Variants in SGCZ observed in about 807,000 individuals in gnomAD.
The protein encoded by SGCZ is zeta-sarcoglycan.
SGCZ carries 40 observed loss-of-function variants against 41.3 expected under a neutral mutation model. The observed-to-expected ratio is 0.97, with a 90% confidence interval of 0.75 to 1.26. The LOEUF (loss-of-function observed/expected upper bound fraction) is 1.26. Ranked by LOEUF, SGCZ falls within the 50% of genes most tolerant of loss-of-function variation. SGCZ has a pLI of 0.00. For missense variants in SGCZ, 552 were observed against 369.8 expected (o/e 1.49, Z -4.04); for synonymous variants, 206 against 137.5 (o/e 1.50, Z -3.49).
At chr8:14,847,516 A>AG (rs1181562982) in intron 1 of SGCZ, among the ~76,000 whole-genome samples, 1 of 151,830 alleles carries the variant, frequency 6.6e-6, no homozygotes, top group Non-Finnish European at 1.5e-5. Flanking sequence ...AGTAAAAAAA[A>AG]AGGAAATACA....
chr8:15,232,994 T>G (rs187914110), intron 1 of SGCZ, among the ~76,000 whole-genome samples: 1 of 151,690 alleles, frequency 6.6e-6, no homozygotes, highest in African/African-American at 2.4e-5. Context: ...GATATTAATT[T>G]TTCAAATTAA....
chr8:14,779,622 T>C (rs1489695490), intron 1 of SGCZ, among the ~76,000 whole-genome samples: 2 of 152,172 alleles, frequency 1.3e-5, no homozygotes, highest in Non-Finnish European at 2.9e-5. Context: ...GTATATAATA[T>C]AAAATTCAAA....
intron 1 of SGCZ, among the ~76,000 whole-genome samples, chr8:14,641,409 G>A (rs1807021893): frequency 6.6e-6 from 1 of 151,612 alleles, no homozygotes; most frequent in Non-Finnish European, 1.5e-5. Context: ...CGTAACATTT[G>A]AAATACCAGG....
At chr8:14,196,479 G>T (rs1030756282) in intron 4 of SGCZ, among the ~76,000 whole-genome samples, 4 of 152,018 alleles carry the variant, frequency 2.6e-5, no homozygotes, top group African/African-American at 9.6e-5. Context: ...AAAAGAAATT[G>T]GTTATGTTTT....
At chr8:14,438,223 G>C (rs1044399045) in intron 2 of SGCZ, among the ~76,000 whole-genome samples, 3 of 151,868 alleles carry the variant, frequency 2.0e-5, no homozygotes, top group African/African-American at 4.8e-5. Flanking sequence ...CTAAGAATCA[G>C]TTCTAGATGA....
intron 3 of SGCZ, among the ~76,000 whole-genome samples, chr8:14,317,467 A>T (rs1469341490): frequency 6.6e-6 from 1 of 151,968 alleles, no homozygotes; most frequent in Non-Finnish European, 1.5e-5. Flanking sequence ...GAAATAATAA[A>T]ATTTCAAGAA....
In SGCZ at chr8:14,089,121, T is replaced by C. The variant is rs1442366966; in HGVS notation, c.*1322A>G. On this transcript the variant is annotated 3_prime_UTR_variant, in exon 8 of 8. Coordinates refer to ENST00000382080, the MANE Select transcript of SGCZ (RefSeq NM_139167.4). Reference sequence around the variant, plus strand: ...TGTGATAAATGAATATTCAGTATTCTGGAGTTGTTTACTAAGAGGTCATAT... The same window carrying C: ...TGTGATAAATGAATATTCAGTATTCCGGAGTTGTTTACTAAGAGGTCATAT... Among the ~76,000 whole-genome samples, 1 of 152,008 alleles carries C rather than the reference T, an allele frequency of 6.6e-6. No homozygotes were observed. Among genetic ancestry groups the C allele is most frequent in the Non-Finnish European group, 1.5e-5 (1 of 67,944 alleles).
At chr8:14,737,049 C>T in intron 1 of SGCZ, among the ~76,000 whole-genome samples, 1 of 148,892 alleles carries the variant, frequency 6.7e-6, no homozygotes, top group Non-Finnish European at 1.5e-5. Flanking sequence ...AGACATATAG[C>T]TATATATCTA....
intron 1 of SGCZ, among the ~76,000 whole-genome samples, chr8:14,935,349 T>C (rs1198150191): frequency 3.3e-5 from 5 of 151,782 alleles, no homozygotes; most frequent in African/African-American, 9.7e-5. Context: ...CTTTCTTTTA[T>C]GGTAAGTCTT....
chr8:14,972,088 G>T (rs1240918127), intron 1 of SGCZ, among the ~76,000 whole-genome samples: 1 of 151,980 alleles, frequency 6.6e-6, no homozygotes, highest in Non-Finnish European at 1.5e-5. Context: ...TTTTCTGGAG[G>T]ATGTTATGTA....
chr8:14,531,178 G>A (rs927358980), intron 2 of SGCZ, among the ~76,000 whole-genome samples: 3 of 151,748 alleles, frequency 2.0e-5, no homozygotes, highest in Admixed American at 2.0e-4. Flanking sequence ...CTTTCTAAAT[G>A]TTGCTTTTTC....
intron 3 of SGCZ, among the ~76,000 whole-genome samples, chr8:14,315,207 A>G (rs1182183601): frequency 6.6e-6 from 1 of 152,174 alleles, no homozygotes. Context: ...AAATGGGAAT[A>G]AAATGACCTA....
intron 1 of SGCZ, among the ~76,000 whole-genome samples, chr8:15,039,104 A>G (rs1341830138): frequency 1.3e-5 from 2 of 152,148 alleles, no homozygotes; most frequent in African/African-American, 2.4e-5. Flanking sequence ...GAACTGCCAT[A>G]TGATCCAGCA....
At chr8:14,246,274 T>G (rs932235535) in intron 3 of SGCZ, among the ~76,000 whole-genome samples, 3 of 152,128 alleles carry the variant, frequency 2.0e-5, no homozygotes, top group East Asian at 1.9e-4. Context: ...GCCATAAAAA[T>G]GATGAGTTCA....
intron 5 of SGCZ, among the ~76,000 whole-genome samples, chr8:14,112,837 C>G (rs1802415253): frequency 6.6e-6 from 1 of 151,838 alleles, no homozygotes; most frequent in African/African-American, 2.4e-5. Flanking sequence ...CTTCTCATTC[C>G]TCCTTAAATA....
Position 14,803,628 on chromosome 8 carries a change from G to A in SGCZ, c.40-248702C>T, listed in dbSNP as rs185502364. On this transcript the variant is annotated intron_variant, in intron 1 of 7. Coordinates refer to ENST00000382080, the MANE Select transcript of SGCZ (RefSeq NM_139167.4). ...TAGCACAGCAGTCTGAGATCAAACT[G>A]CAAGGTGGCAGTGAGGCTGGGGGAG... is the stretch of plus-strand genomic sequence containing the variant. 5.9e-5 allele frequency among the ~76,000 whole-genome samples: 9 copies of A among 152,206 alleles called. No homozygotes were observed. The East Asian group carries it at 1.4e-3, about 23-fold the overall frequency.
intron 2 of SGCZ, among the ~76,000 whole-genome samples, chr8:14,402,917 A>G (rs541805100): frequency 6.7e-6 from 1 of 149,938 alleles, no homozygotes; most frequent in Non-Finnish European, 1.5e-5. Flanking sequence ...CTTCCTACCC[A>G]TGAGCATGGA....
chr8:14,862,767 C>T (rs368927548), intron 1 of SGCZ, among the ~76,000 whole-genome samples: 17 of 151,614 alleles, frequency 1.1e-4, no homozygotes, highest in African/African-American at 2.2e-4. Flanking sequence ...TGTGTACTGA[C>T]GAGAGCAGGA....
intron 1 of SGCZ, among the ~76,000 whole-genome samples, chr8:15,067,735 A>G (rs538022524): frequency 1.0e-3 from 159 of 152,314 alleles, no homozygotes; most frequent in South Asian, 3.5e-3. Context: ...ATCTATAAAT[A>G]TCTATTAGCT....
Sources: gnomAD v4.1 joint callset for allele counts (sites outside exome capture counted in the v4.1 genomes callset) on GRCh38, gnomAD v4.1.1 for gene constraint, MANE v1.5 for transcripts, NCBI Gene and HGNC (gene_info 2026-07-23, HGNC 2026-07-21) for gene names.